Variants in PIWIL1 observed in about 807,000 individuals in gnomAD.
The protein encoded by PIWIL1 is piwi like RNA-mediated gene silencing 1.
In PIWIL1, 73 loss-of-function variants were observed where a neutral mutation model predicts 114.4. The ratio of observed to expected loss-of-function variants is 0.64; its 90% CI spans 0.53 to 0.78. PIWIL1 has a LOEUF of 0.78. Ranked by LOEUF, PIWIL1 falls within the 30% of genes least tolerant of loss-of-function variation. The probability of loss-of-function intolerance (pLI) is 0.00; values close to 1 mark genes in which losing one functional copy is unlikely to be tolerated. For synonymous variants in PIWIL1, 375 were observed against 369.0 expected (o/e 1.02, Z -0.19); for missense variants, 723 against 1,063.1 (o/e 0.68, Z 4.45).
the PIWIL1 span, among the ~76,000 whole-genome samples, chr12:130,390,613 G>A: frequency 6.6e-6 from 1 of 152,168 alleles, no homozygotes; most frequent in African/African-American, 2.4e-5. Context: ...ATGGGTACCA[G>A]TTATACTCTT....
intron 11 of PIWIL1, among the ~76,000 whole-genome samples, 156 bp downstream of exon 11, chr12:130,355,161 G>GGC (rs2073329924): frequency 1.3e-5 from 2 of 152,032 alleles, no homozygotes; most frequent in South Asian, 4.2e-4. Flanking sequence ...TTCTAAGCAA[G>GGC]GCTACCTATA....
chr12:130,403,111 T>C, the PIWIL1 span, among the ~76,000 whole-genome samples: 2 of 152,008 alleles, frequency 1.3e-5, no homozygotes, highest in Non-Finnish European at 2.9e-5. Flanking sequence ...ACCGGTGGAG[T>C]ATTTGAATTC....
intron 6 of PIWIL1, among the ~76,000 whole-genome samples, chr12:130,347,619 C>CAATTCAT (rs2073103532): frequency 6.6e-6 from 1 of 152,172 alleles, no homozygotes; most frequent in East Asian, 1.9e-4. Flanking sequence ...ATAACTGTCA[C>CAATTCAT]TGATGATAGG....
In PIWIL1 at chr12:130,363,154, C is replaced by T. The variant is rs1405134816; in HGVS notation, c.2195+10C>T. 1.2e-6 allele frequency: 2 copies of T among 1,610,430 alleles called. No individual in the cohort carries two copies. Among genetic ancestry groups the T allele is most frequent in the Non-Finnish European group, 1.7e-6 (2 of 1,177,212 alleles). On this transcript the variant is annotated intron_variant, in intron 18 of 20. Coordinates refer to ENST00000245255, the MANE Select transcript of PIWIL1 (RefSeq NM_004764.5). ...TTGGTAGAGGTTACAAGTAAGCATG[C>T]AAATTGTAAAGCATTTTCTTTTTAT...
the PIWIL1 span, chr12:130,407,847 G>C: frequency 2.9e-5 from 47 of 1,603,172 alleles, no homozygotes; most frequent in Non-Finnish European, 3.8e-5. Flanking sequence ...GATCACAAGG[G>C]GGAAAGAAAT....
chr12:130,357,231 A>T, intron 13 of PIWIL1, 126 bp downstream of exon 13: 1 of 780,380 alleles, frequency 1.3e-6, no homozygotes, highest in South Asian at 1.9e-5. Flanking sequence ...TGTAATGCAG[A>T]TAAACAGAAA....
intron 9 of PIWIL1, among the ~76,000 whole-genome samples, chr12:130,353,440 T>C (rs944973880): frequency 6.6e-6 from 1 of 151,838 alleles, no homozygotes; most frequent in African/African-American, 2.4e-5. Context: ...TTTTTTTTTT[T>C]AAAGCTGGAT....
At chr12:130,371,450 A>C in intron 20 of PIWIL1, 32 bp from the exon 21 acceptor site, 1 of 1,609,552 alleles carries the variant, frequency 6.2e-7, no homozygotes, top group East Asian at 2.2e-5. Context: ...CTAAGTCTAG[A>C]GTAATAGAAC....
the PIWIL1 span, chr12:130,412,679 TCTC>T: frequency 1.2e-6 from 2 of 1,613,794 alleles, no homozygotes; most frequent in Non-Finnish European, 1.7e-6. Flanking sequence ...TGATCCATCA[TCTC>T]CTCATCATCT....
At chr12:130,380,386 G>GA in the PIWIL1 span, among the ~76,000 whole-genome samples, 1 of 152,028 alleles carries the variant, frequency 6.6e-6, no homozygotes, top group Admixed American at 6.6e-5. Flanking sequence ...TTTCAAACTG[G>GA]AAAAAAAGAC....
chr12:130,395,392 C>T, the PIWIL1 span, among the ~76,000 whole-genome samples: 2 of 152,278 alleles, frequency 1.3e-5, no homozygotes. Context: ...GACTTAAGCA[C>T]TTTCTTGTCC....
the PIWIL1 span, chr12:130,425,112 G>A: frequency 1.1e-4 from 40 of 361,390 alleles, no homozygotes; most frequent in Middle Eastern, 1.4e-3. Context: ...AGGAGCCAGC[G>A]CCATGCATCC....
At chr12:130,421,724 T>TGTGTGTGTGTGTG in the PIWIL1 span, among the ~76,000 whole-genome samples, 3 of 151,480 alleles carry the variant, frequency 2.0e-5, no homozygotes, top group African/African-American at 4.9e-5. Context: ...TGTGTGTGTG[T>TGTGTGTGTGTGTG]TTTCATAGAA....
chr12:130,347,137 A>C, intron 6 of PIWIL1, 75 bp downstream of exon 6: 2 of 1,084,914 alleles, frequency 1.8e-6, no homozygotes, highest in South Asian at 2.8e-5. Context: ...ATCTGCATTC[A>C]GTTCTCCTAG....
At chr12:130,403,988 G>C in the PIWIL1 span, among the ~76,000 whole-genome samples, 1 of 152,130 alleles carries the variant, frequency 6.6e-6, no homozygotes, top group African/African-American at 2.4e-5. Context: ...TGTAAAATAT[G>C]AGTGGTATTC....
intron 1 of PIWIL1, among the ~76,000 whole-genome samples, chr12:130,340,313 C>A (rs1272845086): frequency 6.6e-6 from 1 of 152,104 alleles, no homozygotes; most frequent in Non-Finnish European, 1.5e-5. Flanking sequence ...ATTTGTAGAT[C>A]AGCAGTCCCC....
rs199577850 is a variant in PIWIL1, at chr12:130,354,681, T to C, written c.1171+18T>C. On this transcript the variant is annotated intron_variant, in intron 10 of 20. Coordinates refer to ENST00000245255, the MANE Select transcript of PIWIL1 (RefSeq NM_004764.5). ...TCTTACAGGTACTGTTGCATTTCAT[T>C]TACTCGGAAGGAAGCCACTGGATTT... 85 of 1,554,974 alleles carry C rather than the reference T, an allele frequency of 5.5e-5. No individual in the cohort carries two copies. The African/African-American group carries it at 9.8e-4, about 18-fold the overall frequency.
the PIWIL1 span, among the ~76,000 whole-genome samples, chr12:130,404,216 A>T: frequency 1.3e-5 from 2 of 152,232 alleles, no homozygotes; most frequent in Admixed American, 6.5e-5. Context: ...ACACACACAC[A>T]CTTTTCCAAC....
At chr12:130,399,596 TA>T in the PIWIL1 span, 14 of 1,491,330 alleles carry the variant, frequency 9.4e-6, 1 homozygote, top group East Asian at 4.6e-5. Flanking sequence ...GCCCAAGATA[TA>T]AAAATATCAG....
Sources: gnomAD v4.1 joint callset for allele counts (sites outside exome capture counted in the v4.1 genomes callset) on GRCh38, gnomAD v4.1.1 for gene constraint, MANE v1.5 for transcripts, NCBI Gene and HGNC (gene_info 2026-07-23, HGNC 2026-07-21) for gene names.